The following NPTN variants were observed in gnomAD, a reference collection of about 807,000 sequenced individuals.
NPTN encodes the protein SDR-1.
A neutral mutation model predicts 42.7 loss-of-function variants in NPTN; 5 were observed. The observed-to-expected ratio is 0.12, with a 90% confidence interval of 0.06 to 0.25. The LOEUF is 0.25. NPTN is among the 10% of genes least tolerant of loss of function. The pLI is 1.00. For missense variants in NPTN, 307 were observed against 525.4 expected, an observed-to-expected ratio of 0.58 and a Z score of 4.06; for synonymous variants, 180 against 201.9, an observed-to-expected ratio of 0.89 and a Z score of 0.92.
At chr15:73,594,050 CA>C (rs1419443266) in intron 2 of NPTN, among the ~76,000 whole-genome samples, 2 of 151,938 alleles carry the variant, frequency 1.3e-5, no homozygotes, top group Admixed American at 6.6e-5. Context: ...CAAGCAAAAA[CA>C]AAAGAGAAAA....
At chr15:73,577,088 A>T (rs1365763229) in intron 4 of NPTN, among the ~76,000 whole-genome samples, 1 of 152,184 alleles carries the variant, frequency 6.6e-6, no homozygotes, top group Non-Finnish European at 1.5e-5. Flanking sequence ...TAAAATTGGG[A>T]ATTGTACTCC....
intron 1 of NPTN, among the ~76,000 whole-genome samples, chr15:73,629,330 G>A (rs1898605059): frequency 6.6e-6 from 1 of 152,060 alleles, no homozygotes; most frequent in Non-Finnish European, 1.5e-5. Context: ...CTTGACATTC[G>A]GCATGTCATT....
chr15:73,567,444 C>T (rs995055639), intron 6 of NPTN: 1 of 985,240 alleles, frequency 1.0e-6, no homozygotes, highest in Non-Finnish European at 1.2e-6. Context: ...TATAATGTAC[C>T]TCTTCGTTTA....
At chr15:73,587,405 A>G (rs1293871680) in intron 4 of NPTN, 119 bp downstream of exon 4, 1 of 726,920 alleles carries the variant, frequency 1.4e-6, no homozygotes, top group Non-Finnish European at 2.4e-6. Context: ...GCCTAACCAC[A>G]ACATTATATT....
Position 73,592,130 on chromosome 15 carries a change from C to G in NPTN, c.447G>C (p.Arg149Ser). 1 of 1,613,122 alleles carries G rather than the reference C, an allele frequency of 6.2e-7. No individual in the cohort carries two copies. The highest frequency in any genetic ancestry group is 8.5e-7 in the Non-Finnish European group (1 of 1,179,434). ...TAATGACCTCTTCACTGGTGACAATCCTTGGCTCTGTAATAAGAGTGCACA... is the reference window on the plus strand; with the variant it reads ...TAATGACCTCTTCACTGGTGACAATGCTTGGCTCTGTAATAAGAGTGCACA... ...QATISVLQKP[R>S]IVTSEEVIIR... Residue 149 changes from arginine (R) to serine (S), a missense_variant, in exon 3 of 9, where the codon AGG (arginine) becomes AGC (serine). Arg to Ser is a moderately radical substitution (Grantham distance 110). Transcript: ENST00000345330.
chr15:73,561,276 C>T (rs993788304), intron 8 of NPTN, among the ~76,000 whole-genome samples: 1 of 152,114 alleles, frequency 6.6e-6, no homozygotes. Context: ...GGGAATAAGC[C>T]ACCTAAGAAG....
chr15:73,598,540 T>C (rs973332545), intron 1 of NPTN, among the ~76,000 whole-genome samples: 1 of 151,154 alleles, frequency 6.6e-6, no homozygotes, highest in Non-Finnish European at 1.5e-5. Flanking sequence ...AAAATCAGAG[T>C]GCAAGCATAC....
intron 1 of NPTN, among the ~76,000 whole-genome samples, chr15:73,601,118 G>A (rs2141416662): frequency 6.6e-6 from 1 of 152,268 alleles, no homozygotes; most frequent in Non-Finnish European, 1.5e-5. Context: ...TCATACATAG[G>A]GCAGGTGCGG....
intron 1 of NPTN, among the ~76,000 whole-genome samples, chr15:73,629,273 CTA>C (rs1214703438): frequency 6.6e-6 from 1 of 152,190 alleles, no homozygotes; most frequent in Non-Finnish European, 1.5e-5. Context: ...TCAAGGCAAA[CTA>C]TTTCTTCTGG....
chr15:73,598,450 A>G (rs1896927493), intron 1 of NPTN, among the ~76,000 whole-genome samples: 1 of 151,890 alleles, frequency 6.6e-6, no homozygotes, highest in Admixed American at 6.6e-5. Flanking sequence ...CCATAAGACA[A>G]GGTGGAAATG....
intron 1 of NPTN, among the ~76,000 whole-genome samples, chr15:73,614,792 G>A (rs1897781523): frequency 6.6e-6 from 1 of 152,074 alleles, no homozygotes; most frequent in African/African-American, 2.4e-5. Context: ...ATCTTTCTTT[G>A]ATTAGTGGAG....
chr15:73,628,388 T>C (rs16958111), intron 1 of NPTN, among the ~76,000 whole-genome samples: 2,024 of 152,314 alleles, frequency 0.013, 53 homozygotes, highest in African/African-American at 0.046. Flanking sequence ...CCTGTCCAGA[T>C]TGTACTCTCA....
At chr15:73,561,300 C>T (rs1215895945) in intron 8 of NPTN, among the ~76,000 whole-genome samples, 1 of 152,128 alleles carries the variant, frequency 6.6e-6, no homozygotes, top group Non-Finnish European at 1.5e-5. Flanking sequence ...ACAATTTTCA[C>T]CTCTTTGTAA....
chr15:73,632,994 A>C (rs1898843981), intron 1 of NPTN, 131 bp downstream of exon 1: 1 of 612,678 alleles, frequency 1.6e-6, no homozygotes, highest in East Asian at 3.5e-5. Context: ...CTCCTCTCGG[A>C]CCCGCAGCCC....
intron 2 of NPTN, among the ~76,000 whole-genome samples, chr15:73,593,995 C>A (rs1356237444): frequency 1.3e-5 from 2 of 152,122 alleles, no homozygotes; most frequent in African/African-American, 4.8e-5. Flanking sequence ...AAGGCGCACA[C>A]ACACCATCAG....
chr15:73,596,317 T>C (rs929347303), intron 2 of NPTN, among the ~76,000 whole-genome samples: 2 of 152,106 alleles, frequency 1.3e-5, no homozygotes, highest in Non-Finnish European at 2.9e-5. Context: ...GCCACGGTTT[T>C]AGAAAAGAAA....
chr15:73,570,010 G>T lies in NPTN; in HGVS notation c.1114+140C>A, dbSNP rs544772061. On this transcript the variant is annotated intron_variant, in intron 6 of 8. Coordinates refer to ENST00000345330, the MANE Select transcript of NPTN (RefSeq NM_012428.4). This position sits in a 1 kb window ranked among gnomAD's most constrained non-coding sequence, Gnocchi z 4.0. ...AAATAAAAAACTCTTACGGGTAGGG[G>T]GTTAGGAACTGGTATAAGAATTTTC... 1 of 752,464 alleles carries T rather than the reference G, an allele frequency of 1.3e-6. No homozygotes were observed. Among genetic ancestry groups the T allele is most frequent in the Non-Finnish European group, 1.9e-6 (1 of 518,288 alleles). The allele number at this position is 752,464 out of a possible 1,614,324, so 46.6% of individuals were successfully genotyped here. A position where few individuals can be genotyped will look rare whatever the true frequency, so the allele number is the denominator to read the frequency against.
intron 1 of NPTN, among the ~76,000 whole-genome samples, chr15:73,617,426 CAGG>C (rs1320845836): frequency 6.6e-6 from 1 of 152,198 alleles, no homozygotes; most frequent in African/African-American, 2.4e-5. Flanking sequence ...CTATCCAATG[CAGG>C]AGGATTCATC....
At chr15:73,611,603 G>A (rs372316259) in intron 1 of NPTN, among the ~76,000 whole-genome samples, 12 of 151,282 alleles carry the variant, frequency 7.9e-5, no homozygotes, top group African/African-American at 2.9e-4. Context: ...AGGAAGGAGG[G>A]ATGAAGAGGT....
Sources: gnomAD v4.1 joint callset for allele counts (sites outside exome capture counted in the v4.1 genomes callset) on GRCh38, gnomAD v4.1.1 for gene constraint, Gnocchi (gnomAD v3.1) non-coding constraint, MANE v1.5 for transcripts, NCBI Gene and HGNC (gene_info 2026-07-23, HGNC 2026-07-21) for gene names.